The following KIRREL3 variants were observed in gnomAD, a reference collection of about 807,000 sequenced individuals.
The protein encoded by KIRREL3 is kin of IRRE-like protein 3.
Under a neutral mutation model 89.7 loss-of-function variants are expected in KIRREL3, and 36 were observed. The ratio of observed to expected loss-of-function variants is 0.40; its 90% CI spans 0.31 to 0.53. The LOEUF (loss-of-function observed/expected upper bound fraction) is 0.53, where lower values mean the gene tolerates loss of function less well. Ranked by LOEUF, KIRREL3 falls within the 20% of genes least tolerant of loss-of-function variation. The pLI, the probability that KIRREL3 is intolerant of heterozygous loss-of-function variation, is 0.49. For missense variants in KIRREL3, 864 were observed against 1,056.6 expected (o/e 0.82, Z 2.53); for synonymous variants, 445 against 441.4 (o/e 1.01, Z -0.10).
At position 126,791,674 on chromosome 11, in the gene KIRREL3, TC is replaced by T. The variant is rs1349970336; in HGVS notation, c.55+208780del. On this transcript the variant is annotated intron_variant, in intron 1 of 16. Transcript: ENST00000525144. The surrounding 1 kb of genome is among the most constrained non-coding windows in gnomAD (Gnocchi z 4.8). ...GGCCACAGGGTCCAGGGGCCCAGAT[TC>T]CCATGGCCAGGCCAGGTGTGAATGA... 6.6e-6 allele frequency among the ~76,000 whole-genome samples: 1 copy of T among 152,132 alleles called. No homozygotes were observed. The highest frequency in any genetic ancestry group is 1.5e-5 in the Non-Finnish European group (1 of 68,010).
chr11:126,929,575 A>T (rs1947854603), intron 1 of KIRREL3, among the ~76,000 whole-genome samples: 1 of 152,150 alleles, frequency 6.6e-6, no homozygotes. Flanking sequence ...GACCACGTAA[A>T]AGCAAACAGA....
rs1380211176 is a variant in KIRREL3, at chr11:126,872,744, G to T, written c.55+127711C>A. ...CTTTCCTGCTCTGTGCTGCCAGAAT[G>T]GTGCTGAATATGAATGAGAAAGTAA... On this transcript the variant is annotated intron_variant, in intron 1 of 16. Coordinates refer to ENST00000525144, the MANE Select transcript of KIRREL3 (RefSeq NM_032531.4). The surrounding 1 kb of genome is among the most constrained non-coding windows in gnomAD (Gnocchi z 4.2). Among the ~76,000 whole-genome samples the T allele has an allele frequency of 1.3e-5, 2 of 152,192 alleles. No homozygotes were observed. Among genetic ancestry groups the T allele is most frequent in the Non-Finnish European group, 2.9e-5 (2 of 68,036 alleles).
chr11:126,752,756 G>A lies in KIRREL3; in HGVS notation c.56-189844C>T, dbSNP rs1242667422. Among the ~76,000 whole-genome samples the A allele has an allele frequency of 6.6e-6, 1 of 152,190 alleles. No homozygotes were observed. Among genetic ancestry groups the A allele is most frequent in the Non-Finnish European group, 1.5e-5 (1 of 68,038 alleles). ...CCTTGAGCGAGAACTTTCCCAAAGT[G>A]AAGAGCATGGAAAAAAACAATTGGT... On this transcript the variant is annotated intron_variant, in intron 1 of 16. Coordinates refer to ENST00000525144, the MANE Select transcript of KIRREL3 (RefSeq NM_032531.4). This position sits in a 1 kb window ranked among gnomAD's most constrained non-coding sequence, Gnocchi z 4.8.
In KIRREL3 at chr11:126,526,560, C is replaced by A; in HGVS notation, c.261G>T (p.Leu87=). 1.2e-6 allele frequency: 2 copies of A among 1,613,320 alleles called. No individual in the cohort carries two copies. Among genetic ancestry groups the A allele is most frequent in the Non-Finnish European group, 1.7e-6 (2 of 1,179,622 alleles). Residue 87 remains leucine (L), a synonymous_variant, in exon 3 of 17, where the codon CTG becomes CTT. Transcript: ENST00000525144. The surrounding 1 kb of genome is among the most constrained non-coding windows in gnomAD (Gnocchi z 5.7). ...CACTTGAGAGGTCCCTGCCCACACC[C>A]AGAGCCAAGCCGTCCTTGATCCACA... ...FVLWIKDGLA[L]GVGRDLSSYP... is the part of the protein sequence containing the mutation.
intron 4 of KIRREL3, among the ~76,000 whole-genome samples, chr11:126,478,839 A>G (rs2134302326): frequency 6.6e-6 from 1 of 152,172 alleles, no homozygotes; most frequent in East Asian, 1.9e-4. Context: ...CTGCGTGAGT[A>G]GTGGGAGGGA....
chr11:126,439,200 A>G (rs1955469514), intron 11 of KIRREL3, among the ~76,000 whole-genome samples: 1 of 152,084 alleles, frequency 6.6e-6, no homozygotes, highest in African/African-American at 2.4e-5. Flanking sequence ...GTGTGGTGGC[A>G]GGTGCCTGTA....
chr11:126,571,353 A>G lies in KIRREL3; in HGVS notation c.56-8441T>C, dbSNP rs907600623. ...CATCAACATGGGACCCAAGGTTGGC[A>G]GAGCTCACCCCACTCCTCTGTACAC... On this transcript the variant is annotated intron_variant, in intron 1 of 16. Transcript: ENST00000525144. The surrounding 1 kb of genome is among the most constrained non-coding windows in gnomAD (Gnocchi z 7.7). Among the ~76,000 whole-genome samples the G allele has an allele frequency of 6.6e-6, 1 of 152,176 alleles. No homozygotes were observed. Among genetic ancestry groups the G allele is most frequent in the African/African-American group, 2.4e-5 (1 of 41,438 alleles).
intron 1 of KIRREL3, among the ~76,000 whole-genome samples, chr11:126,826,452 T>A (rs1943416138): frequency 1.3e-5 from 2 of 152,174 alleles, no homozygotes; most frequent in Non-Finnish European, 2.9e-5. Context: ...ATTAAGTGGG[T>A]CCCTTTGTCT....
At position 126,635,322 on chromosome 11, in the gene KIRREL3, A is replaced by C. The variant is rs1252188618; in HGVS notation, c.56-72410T>G. ...CAGTCCAGAGCAAATCACGGTCTCCATGTTTTTCCTCCCTGGTCCCACATA... is the reference window on the plus strand; with the variant it reads ...CAGTCCAGAGCAAATCACGGTCTCCCTGTTTTTCCTCCCTGGTCCCACATA... On this transcript the variant is annotated intron_variant, in intron 1 of 16. Transcript: ENST00000525144. The surrounding 1 kb of genome is among the most constrained non-coding windows in gnomAD (Gnocchi z 4.0). Among the ~76,000 whole-genome samples, 1 of 152,202 alleles carries C rather than the reference A, an allele frequency of 6.6e-6. No homozygotes were observed. The highest frequency in any genetic ancestry group is 1.5e-5 in the Non-Finnish European group (1 of 68,028).
chr11:126,771,634 C>T lies in KIRREL3; in HGVS notation c.56-208722G>A, dbSNP rs73020579. On this transcript the variant is annotated intron_variant, in intron 1 of 16. Coordinates refer to ENST00000525144, the MANE Select transcript of KIRREL3 (RefSeq NM_032531.4). The surrounding 1 kb of genome is among the most constrained non-coding windows in gnomAD (Gnocchi z 4.4). ...CACATTCAGTGCTGTATTACCAGTG[C>T]TCCTCCTGATCTCTATCCATGGGCA... Among the ~76,000 whole-genome samples, 9,488 of 152,282 alleles carry T rather than the reference C, an allele frequency of 0.062. 370 individuals are homozygous for T. The highest frequency in any genetic ancestry group is 0.087 in the Non-Finnish European group (5,928 of 68,028).
rs1331148098 is a variant in KIRREL3, at chr11:126,736,302, A to G, written c.56-173390T>C. ...ATACTCTTGTGAAATGTGCACTATC[A>G]TCTCCATTTTGCAGATAAGCAAACC... is the stretch of plus-strand genomic sequence containing the variant. On this transcript the variant is annotated intron_variant, in intron 1 of 16. Coordinates refer to ENST00000525144, the MANE Select transcript of KIRREL3 (RefSeq NM_032531.4). This position sits in a 1 kb window ranked among gnomAD's most constrained non-coding sequence, Gnocchi z 5.0. 1.3e-5 allele frequency among the ~76,000 whole-genome samples: 2 copies of G among 152,164 alleles called. No homozygotes were observed. Among genetic ancestry groups the G allele is most frequent in the African/African-American group, 4.8e-5 (2 of 41,428 alleles).
intron 1 of KIRREL3, among the ~76,000 whole-genome samples, chr11:126,907,407 T>C (rs1334971739): frequency 1.3e-5 from 2 of 152,134 alleles, no homozygotes; most frequent in African/African-American, 2.4e-5. Flanking sequence ...AGAGAGGAAA[T>C]TGAAAGGCAG....
chr11:126,916,520 G>A (rs1947046442), intron 1 of KIRREL3, among the ~76,000 whole-genome samples: 1 of 152,128 alleles, frequency 6.6e-6, no homozygotes, highest in African/African-American at 2.4e-5. Flanking sequence ...GAGGGAGAGA[G>A]AAAGACACTT....
rs551278062 is a variant in KIRREL3, at chr11:126,669,114, G to A, written c.56-106202C>T. Among the ~76,000 whole-genome samples, 87 of 152,224 alleles carry A rather than the reference G, an allele frequency of 5.7e-4. 1 individual carries two copies. The highest frequency in any genetic ancestry group is 2.0e-3 in the African/African-American group (85 of 41,542). Reference sequence around the variant, plus strand: ...TCAAAGGATTTCTGGCTCCCAACTTGTCTGCTCTTTGTTTTGTTTTTGCTT... The same window carrying A: ...TCAAAGGATTTCTGGCTCCCAACTTATCTGCTCTTTGTTTTGTTTTTGCTT... On this transcript the variant is annotated intron_variant, in intron 1 of 16. Transcript: ENST00000525144. This position sits in a 1 kb window ranked among gnomAD's most constrained non-coding sequence, Gnocchi z 5.0.
At position 126,755,143 on chromosome 11, in the gene KIRREL3, C is replaced by G. The variant is rs554514414; in HGVS notation, c.56-192231G>C. Among the ~76,000 whole-genome samples the G allele has an allele frequency of 2.0e-4, 30 of 152,284 alleles. No homozygotes were observed. The highest frequency in any genetic ancestry group is 3.4e-4 in the Non-Finnish European group (23 of 68,016). On this transcript the variant is annotated intron_variant, in intron 1 of 16. Transcript: ENST00000525144. This position sits in a 1 kb window ranked among gnomAD's most constrained non-coding sequence, Gnocchi z 4.3. The stretch of plus-strand genomic sequence containing the variant: ...TTTAAATCTTGATTGGAAGAATTAT[C>G]CTGACAAGAAAATTAGTAGTAAGTC...
intron 1 of KIRREL3, among the ~76,000 whole-genome samples, chr11:126,717,495 C>T (rs1484472927): frequency 1.3e-5 from 2 of 152,280 alleles, no homozygotes; most frequent in East Asian, 3.9e-4. Context: ...TGAAAGTTCT[C>T]GCGGGGAACT....
At chr11:126,680,903 G>A (rs939521261) in intron 1 of KIRREL3, among the ~76,000 whole-genome samples, 15 of 152,100 alleles carry the variant, frequency 9.9e-5, no homozygotes, top group African/African-American at 3.1e-4. Context: ...CGACCTAACA[G>A]GATTGAATAT....
At chr11:126,637,001 T>C (rs1381479027) in intron 1 of KIRREL3, among the ~76,000 whole-genome samples, 3 of 152,160 alleles carry the variant, frequency 2.0e-5, no homozygotes, top group African/African-American at 4.8e-5. Flanking sequence ...AATACTAGGC[T>C]ACCTCCCTTC....
intron 1 of KIRREL3, among the ~76,000 whole-genome samples, chr11:126,663,072 C>T (rs1411071603): frequency 2.0e-5 from 3 of 151,596 alleles, no homozygotes; most frequent in Admixed American, 6.6e-5. Context: ...AAGGGAAGAA[C>T]CAGCAAGAAG....
Sources: allele counts gnomAD v4.1 joint callset (sites outside exome capture counted in the v4.1 genomes callset), GRCh38; gene constraint gnomAD v4.1.1; non-coding constraint Gnocchi (gnomAD v3.1); transcripts MANE v1.5; gene names NCBI Gene and HGNC (gene_info 2026-07-23, HGNC 2026-07-21).